The following PLXNA2 variants were observed in gnomAD, a reference collection of about 807,000 sequenced individuals.
The protein encoded by PLXNA2 is plexin-A2.
PLXNA2 carries 91 observed loss-of-function variants against 193.5 expected under a neutral mutation model. The ratio of observed to expected loss-of-function variants is 0.47; its 90% CI spans 0.40 to 0.56. The LOEUF is 0.56. PLXNA2 is among the 20% of genes least tolerant of loss of function. The pLI is 0.00. For missense variants in PLXNA2, 1,995 were observed against 2,503.2 expected (o/e 0.80, Z 4.33); for synonymous variants, 997 against 1,027.3 (o/e 0.97, Z 0.56).
At chr1:208,237,016 G>A (rs1373281095) in intron 1 of PLXNA2, among the ~76,000 whole-genome samples, 1 of 152,188 alleles carries the variant, frequency 6.6e-6, no homozygotes, top group Non-Finnish European at 1.5e-5. Flanking sequence ...TAGGATTAGA[G>A]ACAGCCTTTG....
chr1:208,164,749 C>T (rs1365320796), intron 3 of PLXNA2, among the ~76,000 whole-genome samples: 1 of 152,208 alleles, frequency 6.6e-6, no homozygotes, highest in African/African-American at 2.4e-5. Flanking sequence ...GATCCCTGGG[C>T]GTCAGTCCGG....
intron 3 of PLXNA2, among the ~76,000 whole-genome samples, chr1:208,194,253 A>G (rs1455616069): frequency 6.6e-6 from 1 of 151,884 alleles, no homozygotes; most frequent in East Asian, 1.9e-4. Context: ...AAGGCTCTTC[A>G]TAGGTTCTGC....
intron 3 of PLXNA2, among the ~76,000 whole-genome samples, chr1:208,205,231 C>T (rs1034620095): frequency 1.8e-4 from 27 of 152,330 alleles, no homozygotes; most frequent in Admixed American, 8.5e-4. Flanking sequence ...AAATGAGTTT[C>T]CAGTTCCTGT....
intron 3 of PLXNA2, among the ~76,000 whole-genome samples, chr1:208,162,412 T>C (rs1669160310): frequency 6.6e-6 from 1 of 152,254 alleles, no homozygotes; most frequent in Non-Finnish European, 1.5e-5. Context: ...CTGTGTGATT[T>C]GGGCAAGTCC....
intron 3 of PLXNA2, among the ~76,000 whole-genome samples, chr1:208,194,083 C>T (rs1670274310): frequency 6.6e-6 from 1 of 151,788 alleles, no homozygotes; most frequent in Non-Finnish European, 1.5e-5. Flanking sequence ...ATCCTGGAGT[C>T]GTTTACTCCA....
At chr1:208,079,725 T>C (rs1666273093) in intron 11 of PLXNA2, among the ~76,000 whole-genome samples, 1 of 152,228 alleles carries the variant, frequency 6.6e-6, no homozygotes, top group South Asian at 2.1e-4. Context: ...TTCCTAGCAA[T>C]GTGAGAGAGG....
chr1:208,207,933 GA>G (rs1216742937), intron 3 of PLXNA2, among the ~76,000 whole-genome samples: 1 of 152,248 alleles, frequency 6.6e-6, no homozygotes, highest in Admixed American at 6.5e-5. Context: ...TCACAGGTCA[GA>G]ACAAGCTGTG....
chr1:208,057,962 C>A (rs1665489329), intron 13 of PLXNA2, among the ~76,000 whole-genome samples: 1 of 152,184 alleles, frequency 6.6e-6, no homozygotes, highest in Non-Finnish European at 1.5e-5. Context: ...GTTTGAGAAG[C>A]AGGGAGCAAA....
At chr1:208,235,185 G>A (rs1356974126) in intron 1 of PLXNA2, among the ~76,000 whole-genome samples, 2 of 152,184 alleles carry the variant, frequency 1.3e-5, no homozygotes, top group African/African-American at 4.8e-5. Flanking sequence ...CTGACCACAA[G>A]CCCTGAATGT....
Position 208,051,398 on chromosome 1 carries a change from C to T in PLXNA2, c.3019G>A (p.Val1007Ile), listed in dbSNP as rs1327895746. 1.9e-6 allele frequency: 3 copies of T among 1,611,566 alleles called. No homozygotes were observed. Among genetic ancestry groups the T allele is most frequent in the Admixed American group, 1.7e-5 (1 of 59,288 alleles). ...YGRSMSEIVC[V>I]SPPSSNGLGP... ...AGGCCATTGGATGATGGGGGTGAGA[C>T]ACACACGATCTCACTCATTGACCTC... Residue 1007 changes from valine (V) to isoleucine (I), a missense_variant, in exon 16 of 32, where the codon GTC becomes ATC. By Grantham distance (29) the Val-to-Ile change is conservative. Around this residue, in one of 3 missense-constraint regions of PLXNA2, gnomAD observed 1,291 missense variants for 1,673.6 expected, o/e 0.77. Transcript: ENST00000367033.
chr1:208,164,883 C>G (rs1272509535), intron 3 of PLXNA2, among the ~76,000 whole-genome samples: 1 of 152,180 alleles, frequency 6.6e-6, no homozygotes, highest in Non-Finnish European at 1.5e-5. Flanking sequence ...ATCGGCAAAG[C>G]TGCAAGGAGG....
At chr1:208,150,939 C>T (rs1228330850) in intron 3 of PLXNA2, among the ~76,000 whole-genome samples, 12 of 152,206 alleles carry the variant, frequency 7.9e-5, no homozygotes, top group Admixed American at 7.9e-4. Context: ...GTGAATTACA[C>T]TGGGTGATTC....
At chr1:208,200,574 C>CTTT (rs1249606970) in intron 3 of PLXNA2, among the ~76,000 whole-genome samples, 2 of 114,680 alleles carry the variant, frequency 1.7e-5, no homozygotes, top group Non-Finnish European at 3.5e-5. Context: ...TATCCCAATC[C>CTTT]TTCTTTTTTT....
Position 208,085,282 on chromosome 1 carries a change from C to T in PLXNA2, c.2098-702G>A, listed in dbSNP as rs77512597. On this transcript the variant is annotated intron_variant, in intron 9 of 31. Transcript: ENST00000367033. ...GATTTTCCACCAGAGGTCAAAGGGC[C>T]ACCCCACTGTGCCAATCTCCTCTTT... Among the ~76,000 whole-genome samples, 1,225 of 152,254 alleles carry T rather than the reference C, an allele frequency of 8.0e-3. 23 individuals are homozygous for T. Among genetic ancestry groups the T allele is most frequent in the Admixed American group, 0.031 (468 of 15,290 alleles).
At chr1:208,192,448 T>C (rs1279688241) in intron 3 of PLXNA2, among the ~76,000 whole-genome samples, 2 of 150,590 alleles carry the variant, frequency 1.3e-5, no homozygotes, top group African/African-American at 4.9e-5. Flanking sequence ...TTTGAACCTT[T>C]TTTTTTAAAC....
At chr1:208,224,573 A>T (rs1671455630) in intron 1 of PLXNA2, among the ~76,000 whole-genome samples, 1 of 152,122 alleles carries the variant, frequency 6.6e-6, no homozygotes, top group Non-Finnish European at 1.5e-5. Flanking sequence ...AAATAGCGGG[A>T]CCAAAGGAAC....
At chr1:208,212,661 C>T (rs138028569) in intron 2 of PLXNA2, among the ~76,000 whole-genome samples, 16 of 152,328 alleles carry the variant, frequency 1.1e-4, no homozygotes, top group African/African-American at 3.8e-4. Flanking sequence ...GCACTCCTCT[C>T]CCTCCCCTGC....
intron 4 of PLXNA2, among the ~76,000 whole-genome samples, chr1:208,116,195 TG>T (rs1667635778): frequency 6.6e-6 from 1 of 152,202 alleles, no homozygotes. Context: ...AAGTCTTCCT[TG>T]ATCAACCTTT....
rs1343318118 is a variant in PLXNA2 at position 208,038,141 on chromosome 1, AC to A, written c.4764+229del. Reference sequence around the variant, plus strand: ...TAGAAATGCCTAGGCCTTACCCCAGACCTGTTAAATCTGTTTCTGAGGGTGG... The same window carrying A: ...TAGAAATGCCTAGGCCTTACCCCAGACTGTTAAATCTGTTTCTGAGGGTGG... On this transcript the variant is annotated intron_variant, in intron 26 of 31. Transcript: ENST00000367033. The surrounding 1 kb of genome is among the most constrained non-coding windows in gnomAD (Gnocchi z 4.1). Among the ~76,000 whole-genome samples, 1 of 152,068 alleles carries A rather than the reference AC, an allele frequency of 6.6e-6. No homozygotes were observed. The highest frequency in any genetic ancestry group is 2.4e-5 in the African/African-American group (1 of 41,384).
Sources: allele counts gnomAD v4.1 joint callset (sites outside exome capture counted in the v4.1 genomes callset), GRCh38; gene constraint gnomAD v4.1.1; regional missense constraint gnomAD v4.1.1; non-coding constraint Gnocchi (gnomAD v3.1); transcripts MANE v1.5; gene names NCBI Gene and HGNC (gene_info 2026-07-23, HGNC 2026-07-21).